The following ANKS1B variants were observed in gnomAD, a reference collection of about 807,000 sequenced individuals.
The protein encoded by ANKS1B is ankyrin repeat and sterile alpha motif domain-containing protein 1B.
Under a neutral mutation model 148.3 loss-of-function variants are expected in ANKS1B, and 36 were observed. That is an observed-to-expected ratio of 0.24 (90% CI 0.19 to 0.32). The LOEUF (loss-of-function observed/expected upper bound fraction) is 0.32, where lower values mean the gene tolerates loss of function less well. ANKS1B is among the 10% of genes least tolerant of loss of function. The pLI is 1.00. For missense variants in ANKS1B, 1,157 were observed against 1,542.6 expected (o/e 0.75, Z 4.19); for synonymous variants, 542 against 560.8 (o/e 0.97, Z 0.47).
At chr12:99,594,517 T>C (rs1381476323) in intron 9 of ANKS1B, among the ~76,000 whole-genome samples, 2 of 152,014 alleles carry the variant, frequency 1.3e-5, no homozygotes, top group Admixed American at 6.6e-5. Flanking sequence ...CACACACTCA[T>C]ACGGTGGAAT....
chr12:99,561,799 G>C (rs893367731), intron 9 of ANKS1B, among the ~76,000 whole-genome samples: 1 of 152,016 alleles, frequency 6.6e-6, no homozygotes, highest in African/African-American at 2.4e-5. Context: ...AATTAACTTG[G>C]TCTAAACTCC....
At chr12:99,519,966 T>A (rs937642666) in intron 9 of ANKS1B, among the ~76,000 whole-genome samples, 1 of 152,178 alleles carries the variant, frequency 6.6e-6, no homozygotes, top group African/African-American at 2.4e-5. Context: ...CACTTTAACT[T>A]TGTCTGCCTG....
At chr12:99,478,693 G>C (rs754832389) in intron 10 of ANKS1B, among the ~76,000 whole-genome samples, 10 of 152,070 alleles carry the variant, frequency 6.6e-5, no homozygotes, top group Non-Finnish European at 1.2e-4. Context: ...GCTTGGAAGT[G>C]AAAGAAGGAT....
At chr12:98,846,557 G>C (rs896935748) in intron 17 of ANKS1B, among the ~76,000 whole-genome samples, 3 of 152,238 alleles carry the variant, frequency 2.0e-5, no homozygotes, top group African/African-American at 7.2e-5. Context: ...TTTGTAAGCT[G>C]TTTTGTAAAG....
intron 12 of ANKS1B, among the ~76,000 whole-genome samples, chr12:99,254,489 G>T (rs919558672): frequency 6.6e-6 from 1 of 152,128 alleles, no homozygotes; most frequent in African/African-American, 2.4e-5. Flanking sequence ...GAACTGGCAC[G>T]CTATTACTTC....
At chr12:98,735,193 G>A in exon 10 of ANKS1B, 1 of 398,890 alleles carries the variant, frequency 2.5e-6, no homozygotes. Flanking sequence ...GGAGGATTTT[G>A]TTTTGTAGTT....
intron 1 of ANKS1B, among the ~76,000 whole-genome samples, chr12:99,979,660 GAAACAA>G (rs2095669926): frequency 6.6e-6 from 1 of 151,846 alleles, no homozygotes; most frequent in Non-Finnish European, 1.5e-5. Context: ...CTCACTGCCA[GAAACAA>G]GCCATAATAA....
chr12:98,927,662 T>C (rs897887368), intron 17 of ANKS1B, among the ~76,000 whole-genome samples: 2 of 151,936 alleles, frequency 1.3e-5, no homozygotes, highest in South Asian at 2.1e-4. Flanking sequence ...TGAAGCTATA[T>C]TGAAGCAGTT....
At chr12:99,139,506 G>A (rs995074072) in intron 15 of ANKS1B, among the ~76,000 whole-genome samples, 10 of 128,734 alleles carry the variant, frequency 7.8e-5, no homozygotes, top group Non-Finnish European at 1.6e-4. Flanking sequence ...TTCAACTCCT[G>A]GTCTCAGGCA....
intron 17 of ANKS1B, among the ~76,000 whole-genome samples, chr12:98,906,792 T>C (rs552328778): frequency 1.2e-4 from 18 of 152,386 alleles, no homozygotes; most frequent in African/African-American, 4.3e-4. Context: ...TTATATAGCA[T>C]TAAATGTTTT....
At chr12:98,755,611 G>C (rs2098220013) in intron 25 of ANKS1B, among the ~76,000 whole-genome samples, 1 of 152,234 alleles carries the variant, frequency 6.6e-6, no homozygotes, top group Admixed American at 6.5e-5. Context: ...ATAGGTGTGA[G>C]AGATGTGCCA....
At chr12:99,840,592 G>A (rs1236840968) in intron 1 of ANKS1B, among the ~76,000 whole-genome samples, 1 of 152,054 alleles carries the variant, frequency 6.6e-6, no homozygotes, top group East Asian at 1.9e-4. Flanking sequence ...CTTGGATTAT[G>A]CATTTAAAGG....
At chr12:99,316,204 T>G (rs1335128927) in intron 12 of ANKS1B, among the ~76,000 whole-genome samples, 1 of 152,200 alleles carries the variant, frequency 6.6e-6, no homozygotes, top group Non-Finnish European at 1.5e-5. Context: ...GATTGCTGGG[T>G]CAAATGGTAT....
chr12:98,878,735 G>A (rs965025662), intron 17 of ANKS1B, among the ~76,000 whole-genome samples: 2 of 152,090 alleles, frequency 1.3e-5, no homozygotes, highest in South Asian at 2.1e-4. Context: ...AAACTGACGG[G>A]AGGCATGAAA....
intron 9 of ANKS1B, among the ~76,000 whole-genome samples, chr12:99,505,123 A>G (rs1376604390): frequency 1.3e-5 from 2 of 152,098 alleles, no homozygotes; most frequent in Admixed American, 6.6e-5. Context: ...GGCCATCCCC[A>G]GGCTCCTCTC....
chr12:98,930,693 C>T (rs558141301), intron 17 of ANKS1B, among the ~76,000 whole-genome samples: 3 of 150,532 alleles, frequency 2.0e-5, no homozygotes, highest in East Asian at 2.0e-4. Context: ...ACATATTGTA[C>T]GATTCTGTTT....
intron 10 of ANKS1B, among the ~76,000 whole-genome samples, chr12:99,461,875 G>A (rs1453287807): frequency 6.6e-6 from 1 of 152,168 alleles, no homozygotes; most frequent in Non-Finnish European, 1.5e-5. Context: ...TTAATCTCTA[G>A]TAACTCATTC....
At chr12:99,931,598 A>G (rs1316556865) in intron 1 of ANKS1B, among the ~76,000 whole-genome samples, 9 of 152,276 alleles carry the variant, frequency 5.9e-5, no homozygotes, top group African/African-American at 2.2e-4. Context: ...ATAAAATTAG[A>G]GTTAATATAA....
At chr12:98,780,197 G>A (rs1437265152) in intron 24 of ANKS1B, among the ~76,000 whole-genome samples, 4 of 152,282 alleles carry the variant, frequency 2.6e-5, no homozygotes, top group South Asian at 2.1e-4. Context: ...AAACGGAGGG[G>A]GTCCAGGTGG....
Sources: allele counts gnomAD v4.1 joint callset (sites outside exome capture counted in the v4.1 genomes callset), GRCh38; gene constraint gnomAD v4.1.1; transcripts MANE v1.5; gene names NCBI Gene and HGNC (gene_info 2026-07-23, HGNC 2026-07-21).